ACSS3: variants seen among roughly 807,000 people sequenced by gnomAD.
The protein encoded by ACSS3 is acyl-CoA synthetase short chain family member 3, also known as acyl-CoA synthetase short-chain family member 3, mitochondrial.
A neutral mutation model predicts 84.2 loss-of-function variants in ACSS3; 64 were observed. That is an observed-to-expected ratio of 0.76 (90% CI 0.62 to 0.94). The LOEUF (loss-of-function observed/expected upper bound fraction) is 0.94. Ranked by LOEUF, ACSS3 falls within the 40% of genes least tolerant of loss-of-function variation. The pLI, the probability that ACSS3 is intolerant of heterozygous loss-of-function variation, is 0.00. For missense variants in ACSS3, 815 were observed against 867.6 expected, an observed-to-expected ratio of 0.94 and a Z score of 0.76; for synonymous variants, 317 against 310.1, an observed-to-expected ratio of 1.02 and a Z score of -0.23.
chr12:81,246,141 C>T (rs963808888), intron 13 of ACSS3, among the ~76,000 whole-genome samples: 2 of 152,132 alleles, frequency 1.3e-5, no homozygotes, highest in Non-Finnish European at 2.9e-5. Context: ...TCTGGGTTCT[C>T]TTGGTTTAGG....
chr12:81,208,512 T>C (rs1284983130), intron 9 of ACSS3, among the ~76,000 whole-genome samples: 1 of 152,144 alleles, frequency 6.6e-6, no homozygotes, highest in African/African-American at 2.4e-5. Context: ...ATCTTGAGTA[T>C]AATTAAAATT....
chr12:81,088,309 G>A (rs1211449735), intron 1 of ACSS3, among the ~76,000 whole-genome samples: 1 of 152,056 alleles, frequency 6.6e-6, no homozygotes, highest in Non-Finnish European at 1.5e-5. Flanking sequence ...GCAAGTTACT[G>A]AGATTTTGCA....
intron 2 of ACSS3, among the ~76,000 whole-genome samples, chr12:81,129,272 A>G (rs971493890): frequency 6.6e-6 from 1 of 152,196 alleles, no homozygotes; most frequent in Non-Finnish European, 1.5e-5. Context: ...TTAGGGAACT[A>G]TGGTGTAAGC....
At chr12:81,087,611 G>T (rs1881403938) in intron 1 of ACSS3, among the ~76,000 whole-genome samples, 1 of 152,016 alleles carries the variant, frequency 6.6e-6, no homozygotes, top group African/African-American at 2.4e-5. Context: ...TGGGAGCTTA[G>T]AAAAGTCCAC....
At chr12:81,173,279 T>G (rs2030216309) in intron 7 of ACSS3, among the ~76,000 whole-genome samples, 1 of 152,242 alleles carries the variant, frequency 6.6e-6, no homozygotes, top group South Asian at 2.1e-4. Flanking sequence ...TTTTGCAGCT[T>G]TTTGTATTAT....
intron 2 of ACSS3, among the ~76,000 whole-genome samples, chr12:81,130,771 T>G (rs1397486561): frequency 2.0e-5 from 3 of 152,376 alleles, no homozygotes; most frequent in East Asian, 1.9e-4. Context: ...GTCTAACATT[T>G]AAGTCTTTAA....
At chr12:81,181,768 A>AAAAAAAG (rs1555178623) in intron 8 of ACSS3, among the ~76,000 whole-genome samples, 1 of 143,612 alleles carries the variant, frequency 7.0e-6, no homozygotes, top group Non-Finnish European at 1.5e-5. Flanking sequence ...AAAAAAAAAA[A>AAAAAAAG]GCAATAGAGA....
chr12:81,151,655 T>A, intron 5 of ACSS3, 189 bp from the exon 6 acceptor site: 1 of 496,410 alleles, frequency 2.0e-6, no homozygotes, highest in East Asian at 3.3e-5. Context: ...TGAGGACAAA[T>A]TATTTTGTGT....
At chr12:81,253,872 T>C (rs767359262) in intron 15 of ACSS3, among the ~76,000 whole-genome samples, 1 of 152,176 alleles carries the variant, frequency 6.6e-6, no homozygotes, top group Non-Finnish European at 1.5e-5. Context: ...AAACTCAGAT[T>C]AGTTAAGAAC....
chr12:81,154,920 C>G (rs1331795675), intron 7 of ACSS3, among the ~76,000 whole-genome samples: 1 of 152,114 alleles, frequency 6.6e-6, no homozygotes, highest in Non-Finnish European at 1.5e-5. Context: ...AACTCCTACT[C>G]TCCTTGTAGA....
intron 7 of ACSS3, among the ~76,000 whole-genome samples, chr12:81,166,180 G>C (rs1014602243): frequency 6.6e-6 from 1 of 152,138 alleles, no homozygotes; most frequent in Non-Finnish European, 1.5e-5. Context: ...TCCAAGATAC[G>C]TGGCCAGGAC....
At chr12:81,241,901 A>C (rs150848453) in intron 13 of ACSS3, among the ~76,000 whole-genome samples, 1 of 152,240 alleles carries the variant, frequency 6.6e-6, no homozygotes, top group Non-Finnish European at 1.5e-5. Context: ...TTAGACATGA[A>C]GTTCTTGCCC....
At chr12:81,081,448 A>G (rs893540484) in intron 1 of ACSS3, among the ~76,000 whole-genome samples, 1 of 152,150 alleles carries the variant, frequency 6.6e-6, no homozygotes, top group African/African-American at 2.4e-5. Flanking sequence ...TTTGGGTAAT[A>G]AAGTCTCTAT....
chr12:81,171,042 T>G (rs933325880), intron 7 of ACSS3, among the ~76,000 whole-genome samples: 4 of 152,200 alleles, frequency 2.6e-5, no homozygotes, highest in African/African-American at 9.6e-5. Context: ...TATTACTGCA[T>G]TCTTTCTGTT....
chr12:81,109,886 C>A (rs942905634), intron 2 of ACSS3, among the ~76,000 whole-genome samples, 182 bp downstream of exon 2: 29 of 152,084 alleles, frequency 1.9e-4, no homozygotes, highest in African/African-American at 7.0e-4. Flanking sequence ...TTTTTATAGC[C>A]TTCAATTTAT....
At chr12:81,166,400 T>G (rs547048549) in intron 7 of ACSS3, among the ~76,000 whole-genome samples, 1 of 152,286 alleles carries the variant, frequency 6.6e-6, no homozygotes, top group South Asian at 2.1e-4. Context: ...GTTTGAAGGT[T>G]GTACTCAGAT....
At position 81,202,382 on chromosome 12, in the gene ACSS3, G is replaced by A. The variant is rs189125749; in HGVS notation, c.1354+2938G>A. 2.8e-4 allele frequency among the ~76,000 whole-genome samples: 43 copies of A among 152,204 alleles called. No individual in the cohort carries two copies. The East Asian group carries it at 5.4e-3, about 19-fold the overall frequency. On this transcript the variant is annotated intron_variant, in intron 9 of 15. Coordinates refer to ENST00000548058, the MANE Select transcript of ACSS3 (RefSeq NM_024560.4). The stretch of plus-strand genomic sequence containing the variant: ...TTGATGTTTGATTCTGGGTGAAAGG[G>A]CAAGTATGTTATGAGTTATTATGAA...
chr12:81,182,025 A>T (rs2030970499), intron 8 of ACSS3, among the ~76,000 whole-genome samples: 2 of 152,176 alleles, frequency 1.3e-5, no homozygotes, highest in Non-Finnish European at 2.9e-5. Flanking sequence ...CTGAAAACTA[A>T]GTCTTGGGAG....
chr12:81,121,676 T>C (rs1459136068), intron 2 of ACSS3, among the ~76,000 whole-genome samples: 2 of 152,132 alleles, frequency 1.3e-5, no homozygotes, highest in East Asian at 1.9e-4. Flanking sequence ...GATATTGCTC[T>C]ACTGGAGCTG....
Sources: gnomAD v4.1 joint callset for allele counts (sites outside exome capture counted in the v4.1 genomes callset) on GRCh38, gnomAD v4.1.1 for gene constraint, MANE v1.5 for transcripts, NCBI Gene and HGNC (gene_info 2026-07-23, HGNC 2026-07-21) for gene names.